Variants in C2CD5 observed in about 807,000 individuals in gnomAD.
C2CD5 encodes C2 calcium dependent domain containing 5, also known as C2 domain-containing protein 5.
A neutral mutation model predicts 130.3 loss-of-function variants in C2CD5; 109 were observed. That is an observed-to-expected ratio of 0.84 (90% CI 0.72 to 0.98). The LOEUF is 0.98. Among genes scored for constraint, C2CD5 ranks in the 50% least tolerant of loss-of-function variants. The pLI, the probability that C2CD5 is intolerant of heterozygous loss-of-function variation, is 0.00. For missense variants in C2CD5, 996 were observed against 1,261.8 expected (o/e 0.79, Z 3.19); for synonymous variants, 454 against 429.2 (o/e 1.06, Z -0.71).
intron 23 of C2CD5, 37 bp downstream of exon 23, chr12:22,459,455 A>C (rs1940656731): frequency 3.6e-6 from 5 of 1,375,960 alleles, no homozygotes; most frequent in East Asian, 2.5e-5. Context: ...AGAATTTTAC[A>C]CCTTTGGTGA....
At chr12:22,537,577 T>C (rs1196372711) in intron 2 of C2CD5, among the ~76,000 whole-genome samples, 1 of 152,212 alleles carries the variant, frequency 6.6e-6, no homozygotes, top group East Asian at 1.9e-4. Flanking sequence ...TTAAAGAACA[T>C]CAGGGATTTT....
chr12:22,510,774 T>C (rs7313619), intron 9 of C2CD5, among the ~76,000 whole-genome samples: 24,217 of 152,144 alleles, frequency 0.16, 3,837 homozygotes, highest in African/African-American at 0.41. Flanking sequence ...ACTAGGTTTC[T>C]TGACTGAAGG....
chr12:22,517,389 T>C (rs1050353677), intron 8 of C2CD5, among the ~76,000 whole-genome samples: 2 of 151,854 alleles, frequency 1.3e-5, no homozygotes, highest in Non-Finnish European at 2.9e-5. Flanking sequence ...TAAAACATAT[T>C]CATAAAAACC....
chr12:22,509,405 G>A (rs1948939187), intron 9 of C2CD5, among the ~76,000 whole-genome samples: 1 of 152,128 alleles, frequency 6.6e-6, no homozygotes. Flanking sequence ...AAAGAAACGA[G>A]GGCAAGCATT....
In C2CD5 at chr12:22,493,364, A is replaced by G. The variant is rs189457937; in HGVS notation, c.1148-27T>C. ...TGAAAAATAAATTTTAAATCAGTTT[A>G]TTACTCAATAGCACATTATATATAT... On this transcript the variant is annotated intron_variant, in intron 10 of 26. Coordinates refer to ENST00000446597, the MANE Select transcript of C2CD5 (RefSeq NM_001286176.2). 80 of 1,182,082 alleles carry G rather than the reference A, an allele frequency of 6.8e-5. No homozygotes were observed. In the African/African-American group the frequency reaches 1.0e-3, roughly 15 times the overall value. The allele number at this position is 1,182,082 out of a possible 1,614,324, so 73.2% of individuals were successfully genotyped here.
intron 26 of C2CD5, among the ~76,000 whole-genome samples, chr12:22,453,113 C>T (rs1939050912): frequency 6.6e-6 from 1 of 152,090 alleles, no homozygotes. Context: ...ATTCTTACTC[C>T]TGCTTAAATG....
At chr12:22,475,954 A>G (rs1289162938) in intron 15 of C2CD5, among the ~76,000 whole-genome samples, 1 of 152,104 alleles carries the variant, frequency 6.6e-6, no homozygotes, top group Non-Finnish European at 1.5e-5. Context: ...ACTAGATACC[A>G]CACTACTTTT....
intron 7 of C2CD5, 111 bp downstream of exon 7, chr12:22,523,312 AATC>A: frequency 5.4e-6 from 4 of 737,714 alleles, no homozygotes; most frequent in Non-Finnish European, 8.7e-6. Flanking sequence ...CACCAATAAA[AATC>A]ATCACAGAGA....
intron 10 of C2CD5, among the ~76,000 whole-genome samples, chr12:22,506,008 A>C (rs7964412): frequency 6.9e-6 from 1 of 145,272 alleles, no homozygotes; most frequent in Non-Finnish European, 1.6e-5. Flanking sequence ...GCCTGGGTAG[A>C]CTGGAGGGGA....
chr12:22,463,048 C>A (rs1941456040), intron 22 of C2CD5, among the ~76,000 whole-genome samples: 1 of 151,660 alleles, frequency 6.6e-6, no homozygotes, highest in South Asian at 2.1e-4. Context: ...CGCAGCACTG[C>A]ACTCCAGCCT....
rs1054973267 is a variant in C2CD5, at chr12:22,449,060, C to G, written c.*700G>C. 8 of 152,158 alleles carry G rather than the reference C, an allele frequency of 5.3e-5. No homozygotes were observed. Among genetic ancestry groups the G allele is most frequent in the Admixed American group, 4.6e-4 (7 of 15,256 alleles). The allele number at this position is 152,158 out of a possible 1,614,324, so 9.4% of individuals were successfully genotyped here. ...AAGCCTCTTTTAGACAAAGTCAATA[C>G]TAACTCAAATGTTGCCAGTTATAAA... On this transcript the variant is annotated 3_prime_UTR_variant, in exon 27 of 27. Transcript: ENST00000446597.
At chr12:22,502,758 G>A in intron 10 of C2CD5, 1 of 1,530,126 alleles carries the variant, frequency 6.5e-7, no homozygotes, top group Non-Finnish European at 8.8e-7. Flanking sequence ...AACTATTCCA[G>A]TCTAGCAGTT....
At position 22,484,761 on chromosome 12, in the gene C2CD5, A is replaced by G; in HGVS notation, c.1486T>C (p.Phe496Leu). The change falls in exon 13 of 27, where the codon TTT (phenylalanine) becomes CTT (leucine). Residue 496 changes from phenylalanine (F) to leucine (L), a missense_variant. Phe to Leu is a conservative substitution (Grantham distance 22). Coordinates refer to ENST00000446597, the MANE Select transcript of C2CD5 (RefSeq NM_001286176.2). Reference sequence around the variant, plus strand: ...TCTGTTGGGAGGTCTATAGTTGTAAACAGAACATCAGGAACTTTTTGTTTC... The same window carrying G: ...TCTGTTGGGAGGTCTATAGTTGTAAGCAGAACATCAGGAACTTTTTGTTTC... ...CRKQKVPDVL[F>L]TTIDLPTDAT... 1.2e-6 allele frequency: 2 copies of G among 1,610,596 alleles called. No individual in the cohort carries two copies. The highest frequency in any genetic ancestry group is 2.2e-5 in the South Asian group (2 of 90,456).
chr12:22,516,458 AT>A (rs1356538945), intron 8 of C2CD5, among the ~76,000 whole-genome samples: 2 of 151,628 alleles, frequency 1.3e-5, no homozygotes, highest in African/African-American at 4.8e-5. Flanking sequence ...TTGAGAATAA[AT>A]TTTTTTAAAC....
chr12:22,461,717 A>G (rs1941197730), intron 22 of C2CD5, among the ~76,000 whole-genome samples: 1 of 152,110 alleles, frequency 6.6e-6, no homozygotes, highest in South Asian at 2.1e-4. Context: ...TATTACTTTT[A>G]CCCAGTAAAA....
intron 9 of C2CD5, 97 bp from the exon 10 acceptor site, chr12:22,506,916 CT>C: frequency 1.4e-6 from 1 of 719,090 alleles, no homozygotes; most frequent in Middle Eastern, 2.4e-4. Context: ...TATTACATCC[CT>C]TGAAATAAAA....
At chr12:22,526,959 C>T (rs1221782815) in intron 4 of C2CD5, among the ~76,000 whole-genome samples, 2 of 152,150 alleles carry the variant, frequency 1.3e-5, no homozygotes, top group Non-Finnish European at 1.5e-5. Context: ...TTAAGGCCAG[C>T]CTAGCCAATA....
At chr12:22,494,442 C>G (rs1214496533) in intron 10 of C2CD5, among the ~76,000 whole-genome samples, 1 of 152,002 alleles carries the variant, frequency 6.6e-6, no homozygotes, top group African/African-American at 2.4e-5. Context: ...GAATTATACT[C>G]ACTAGTAAAA....
chr12:22,502,864 C>CA (rs1172654550), intron 10 of C2CD5: 13 of 911,462 alleles, frequency 1.4e-5, no homozygotes, highest in Admixed American at 2.2e-5. Flanking sequence ...AGGAATAAAA[C>CA]AAAAAACACT....
Sources: gnomAD v4.1 joint callset for allele counts (sites outside exome capture counted in the v4.1 genomes callset) on GRCh38, gnomAD v4.1.1 for gene constraint, MANE v1.5 for transcripts, NCBI Gene and HGNC (gene_info 2026-07-23, HGNC 2026-07-21) for gene names.